Variants in FOXP1 observed in about 807,000 individuals in gnomAD.
FOXP1 encodes forkhead box P1.
In FOXP1, 15 loss-of-function variants were observed where a neutral mutation model predicts 98.2. The observed-to-expected ratio is 0.15, with a 90% CI of 0.10 to 0.24. FOXP1 has a LOEUF of 0.24. Among genes scored for constraint, FOXP1 ranks in the 10% least tolerant of loss-of-function variants. FOXP1 has a pLI of 1.00. For synonymous variants in FOXP1, 371 were observed against 314.5 expected (o/e 1.18, Z -1.90); for missense variants, 633 against 848.5 (o/e 0.75, Z 3.15).
At chr3:71,199,242 T>C (rs11717297) in intron 5 of FOXP1, among the ~76,000 whole-genome samples, 24,474 of 151,674 alleles carry the variant, frequency 0.16, 2,578 homozygotes, top group Non-Finnish European at 0.22. Flanking sequence ...GTAGCTGGGA[T>C]TACAGATGCC....
intron 3 of FOXP1, among the ~76,000 whole-genome samples, chr3:71,386,741 CAA>C (rs5850010): frequency 3.3e-5 from 3 of 90,964 alleles, no homozygotes; most frequent in East Asian, 2.7e-4. Flanking sequence ...GATTCCGTCT[CAA>C]AAAAAAAAAA....
intron 2 of FOXP1, chr3:71,572,412 A>T (rs1395946212): frequency 6.6e-6 from 1 of 152,242 alleles, no homozygotes; most frequent in Non-Finnish European, 1.5e-5. Context: ...AATTTAAAGA[A>T]CTTGTCTTGA....
chr3:70,975,036 C>T (rs1334895379), intron 17 of FOXP1, among the ~76,000 whole-genome samples: 1 of 152,172 alleles, frequency 6.6e-6, no homozygotes, highest in Non-Finnish European at 1.5e-5. Flanking sequence ...TGTCTAAGAT[C>T]ATGGTACAAA....
chr3:71,348,143 G>A (rs572389986), intron 4 of FOXP1, among the ~76,000 whole-genome samples: 2 of 152,010 alleles, frequency 1.3e-5, no homozygotes, highest in Non-Finnish European at 2.9e-5. Context: ...CTATTTTCTT[G>A]TACTGTACTC....
At chr3:71,130,325 C>T (rs2059487590) in intron 6 of FOXP1, among the ~76,000 whole-genome samples, 1 of 152,014 alleles carries the variant, frequency 6.6e-6, no homozygotes, top group African/African-American at 2.4e-5. Context: ...CCTCTCAAAT[C>T]TCTAAAAAGA....
chr3:71,222,122 C>T (rs1249626928), intron 5 of FOXP1, among the ~76,000 whole-genome samples: 1 of 152,140 alleles, frequency 6.6e-6, no homozygotes, highest in Non-Finnish European at 1.5e-5. Flanking sequence ...CACTGCACTC[C>T]AGCCTGGTGC....
Position 70,965,991 on chromosome 3 carries a change from G to A in FOXP1, c.1788C>T (p.Gly596=). 4 of 1,614,118 alleles carry A rather than the reference G, an allele frequency of 2.5e-6. No individual in the cohort carries two copies. The highest frequency in any genetic ancestry group is 3.4e-6 in the Non-Finnish European group (4 of 1,180,006). The change falls in exon 20 of 21, where the codon GGC becomes GGT. Residue 596 remains glycine (G), a synonymous_variant. Coordinates refer to ENST00000649528, the MANE Select transcript of FOXP1 (RefSeq NM_001349338.3). ...TTASMGNPTL[G]NLASAIREEL... ...CTTCCCGTATTGCGCTGGCTAAGTT[G>A]CCCAGAGTGGGATTTCCCATGGAAG... is the stretch of plus-strand genomic sequence containing the variant.
intron 2 of FOXP1, among the ~76,000 whole-genome samples, chr3:71,556,013 C>CTTACAGAATG (rs1349135919): frequency 6.6e-6 from 1 of 151,874 alleles, no homozygotes; most frequent in Non-Finnish European, 1.5e-5. Flanking sequence ...AAAAATCTGT[C>CTTACAGAATG]TTACAGAATG....
intron 5 of FOXP1, among the ~76,000 whole-genome samples, chr3:71,236,896 A>G (rs2066831008): frequency 6.6e-6 from 1 of 151,824 alleles, no homozygotes; most frequent in Admixed American, 6.6e-5. Context: ...AGAAAAAGAA[A>G]AAGAAAAAAA....
chr3:71,117,034 A>G (rs1048555083), intron 6 of FOXP1, among the ~76,000 whole-genome samples: 6 of 152,200 alleles, frequency 3.9e-5, no homozygotes, highest in Admixed American at 1.3e-4. Flanking sequence ...TTATGTGATC[A>G]GAACAGATTA....
intron 6 of FOXP1, among the ~76,000 whole-genome samples, chr3:71,120,877 T>C (rs942187742): frequency 1.3e-5 from 2 of 152,214 alleles, no homozygotes; most frequent in African/African-American, 4.8e-5. Context: ...ATCATTGCTA[T>C]GATGCCGATT....
In FOXP1 at chr3:71,484,924, A is replaced by G. The variant is rs573862873; in HGVS notation, c.-168+8502T>C. 5.9e-5 allele frequency among the ~76,000 whole-genome samples: 9 copies of G among 152,370 alleles called. No homozygotes were observed. The East Asian group carries it at 7.7e-4, about 13-fold the overall frequency. ...GTAGGAAGATTACAGATAAAAATCTATAACACACGTATTATAGCCCTTGGC... is the reference window on the plus strand; with the variant it reads ...GTAGGAAGATTACAGATAAAAATCTGTAACACACGTATTATAGCCCTTGGC... On this transcript the variant is annotated intron_variant, in intron 3 of 20. Coordinates refer to ENST00000649528, the MANE Select transcript of FOXP1 (RefSeq NM_001349338.3).
chr3:71,537,578 T>G (rs563878963), intron 2 of FOXP1, among the ~76,000 whole-genome samples: 28 of 152,218 alleles, frequency 1.8e-4, no homozygotes, highest in Admixed American at 2.0e-4. Context: ...AAAGACGGTG[T>G]TTTTTTGGCA....
At chr3:71,359,502 A>G (rs1183893693) in intron 3 of FOXP1, among the ~76,000 whole-genome samples, 4 of 152,200 alleles carry the variant, frequency 2.6e-5, no homozygotes, top group Non-Finnish European at 5.9e-5. Context: ...AGGCACTGAC[A>G]TCCACTTAGG....
At chr3:71,406,502 C>G (rs963508756) in intron 3 of FOXP1, among the ~76,000 whole-genome samples, 3 of 150,058 alleles carry the variant, frequency 2.0e-5, no homozygotes, top group African/African-American at 7.3e-5. Context: ...AAGTCAGCAA[C>G]ATTGAGCCAA....
At chr3:71,234,077 C>T (rs886264257) in intron 5 of FOXP1, among the ~76,000 whole-genome samples, 6 of 151,810 alleles carry the variant, frequency 4.0e-5, no homozygotes, top group Admixed American at 2.6e-4. Flanking sequence ...TTCTCGCATG[C>T]CCATTTGGGG....
chr3:71,344,965 C>G (rs2077235704), intron 4 of FOXP1, among the ~76,000 whole-genome samples: 1 of 152,192 alleles, frequency 6.6e-6, no homozygotes, highest in African/African-American at 2.4e-5. Context: ...AAATACAGAA[C>G]TAGACACATT....
Position 71,211,523 on chromosome 3 carries a change from C to T in FOXP1, c.-11-13131G>A, listed in dbSNP as rs190229610. On this transcript the variant is annotated intron_variant, in intron 5 of 20. Coordinates refer to ENST00000649528, the MANE Select transcript of FOXP1 (RefSeq NM_001349338.3). ...GCCGGGCCCACATTTAGTTTTACTT[C>T]TATGTACCCAGTTTACTTATTTTAT... Among the ~76,000 whole-genome samples the T allele has an allele frequency of 2.7e-3, 410 of 152,200 alleles. 2 individuals are homozygous for T. Among genetic ancestry groups the T allele is most frequent in the Middle Eastern group, 0.01 (3 of 294 alleles).
intron 2 of FOXP1, among the ~76,000 whole-genome samples, chr3:71,550,549 T>C (rs1434067800): frequency 1.3e-5 from 2 of 152,178 alleles, no homozygotes; most frequent in African/African-American, 2.4e-5. Flanking sequence ...ATCCAGTGAA[T>C]AGAAAGCAAA....
Sources: gnomAD v4.1 joint callset for allele counts (sites outside exome capture counted in the v4.1 genomes callset) on GRCh38, gnomAD v4.1.1 for gene constraint, MANE v1.5 for transcripts, NCBI Gene and HGNC (gene_info 2026-07-23, HGNC 2026-07-21) for gene names.